The following HS3ST3A1 variants were observed in gnomAD, a reference collection of about 807,000 sequenced individuals.
HS3ST3A1 encodes heparan sulfate glucosamine 3-O-sulfotransferase 3A1.
HS3ST3A1 carries 19 observed loss-of-function variants against 25.7 expected under a neutral mutation model. The ratio of observed to expected loss-of-function variants is 0.74; its 90% CI spans 0.52 to 1.08. HS3ST3A1 has a LOEUF of 1.08. Among genes scored for constraint, HS3ST3A1 ranks in the 50% least tolerant of loss-of-function variants. HS3ST3A1 has a pLI of 0.00. For missense variants in HS3ST3A1, 459 were observed against 594.3 expected, an observed-to-expected ratio of 0.77 and a Z score of 2.37; for synonymous variants, 226 against 278.6, an observed-to-expected ratio of 0.81 and a Z score of 1.88.
chr17:13,590,149 G>A (rs1306629059), intron 1 of HS3ST3A1, among the ~76,000 whole-genome samples: 1 of 151,986 alleles, frequency 6.6e-6, no homozygotes, highest in African/African-American at 2.4e-5. Flanking sequence ...GCAGGCAACG[G>A]CCATAAAACA....
chr17:13,585,840 GTTTTTTT>G lies in HS3ST3A1; in HGVS notation c.599+14684_599+14690del, dbSNP rs1207776880. On this transcript the variant is annotated intron_variant, in intron 1 of 1. Transcript: ENST00000284110. ...TGAGACCTGTTATTCCTCCTTCTGC[GTTTTTTT>G]TTTTTTTTTTTTTTTTTTTTCTGAC... Among the ~76,000 whole-genome samples, 83 of 62,014 alleles carry G rather than the reference GTTTTTTT, an allele frequency of 1.3e-3. 1 individual carries two copies. The highest frequency in any genetic ancestry group is 6.8e-3 in the African/African-American group (80 of 11,710). The allele number at this position is 62,014 out of a possible 152,430, so 40.7% of individuals were successfully genotyped here.
At chr17:13,595,564 T>C (rs765365239) in intron 1 of HS3ST3A1, among the ~76,000 whole-genome samples, 1 of 152,208 alleles carries the variant, frequency 6.6e-6, no homozygotes, top group Non-Finnish European at 1.5e-5. Context: ...TGATTACATA[T>C]TAGAGGCACA....
intron 1 of HS3ST3A1, among the ~76,000 whole-genome samples, chr17:13,507,601 C>T (rs1023365448): frequency 2.6e-5 from 4 of 152,202 alleles, no homozygotes; most frequent in South Asian, 2.1e-4. Context: ...ATATATCACA[C>T]GTTTTTCAAA....
In HS3ST3A1 at chr17:13,601,362, C is replaced by A. The variant is rs969163214; in HGVS notation, c.-233G>T. 1 of 485,366 alleles carries A rather than the reference C, an allele frequency of 2.1e-6. No homozygotes were observed. Among genetic ancestry groups the A allele is most frequent in the Non-Finnish European group, 3.6e-6 (1 of 279,342 alleles). 30.1% of individuals were successfully genotyped at this position (485,366 alleles called of 1,614,324 possible). A position where few individuals can be genotyped will look rare whatever the true frequency, so the allele number is the denominator to read the frequency against. On this transcript the variant is annotated 5_prime_UTR_variant, in exon 1 of 2. Coordinates refer to ENST00000284110, the MANE Select transcript of HS3ST3A1 (RefSeq NM_006042.3). Reference sequence around the variant, plus strand: ...CCAGTCGAGGGAGCGGGAAGGGGAACGCGGGTCCGTGCTTAAGAAACCATC... The same window carrying A: ...CCAGTCGAGGGAGCGGGAAGGGGAAAGCGGGTCCGTGCTTAAGAAACCATC...
chr17:13,590,750 A>C (rs1486031706), intron 1 of HS3ST3A1, among the ~76,000 whole-genome samples: 3 of 152,206 alleles, frequency 2.0e-5, no homozygotes, highest in African/African-American at 7.2e-5. Context: ...ATGAAGATAG[A>C]ATAGTACTTG....
intron 1 of HS3ST3A1, among the ~76,000 whole-genome samples, chr17:13,581,391 C>T (rs1301290070): frequency 4.0e-5 from 6 of 149,116 alleles, no homozygotes; most frequent in African/African-American, 1.2e-4. Context: ...CACTTGAACC[C>T]GGGAGAGAGA....
intron 1 of HS3ST3A1, among the ~76,000 whole-genome samples, chr17:13,553,401 G>A (rs1243029693): frequency 6.6e-6 from 1 of 152,154 alleles, no homozygotes; most frequent in Non-Finnish European, 1.5e-5. Context: ...TAAGCCAGAA[G>A]CCATCATTGC....
At chr17:13,579,701 C>CA (rs543748713) in intron 1 of HS3ST3A1, among the ~76,000 whole-genome samples, 4,919 of 23,472 alleles carry the variant, frequency 0.21, 1,212 homozygotes, top group Non-Finnish European at 0.24. Flanking sequence ...ACTCCATCTC[C>CA]AAAAAAAAAA....
In HS3ST3A1 at chr17:13,581,978, A is replaced by G. The variant is rs77629820; in HGVS notation, c.599+18553T>C. ...AGACTCATACTTTTTTCTTTCCTAAATGTCACCTGAGAACGGTGTGAAATT... is the reference window on the plus strand; with the variant it reads ...AGACTCATACTTTTTTCTTTCCTAAGTGTCACCTGAGAACGGTGTGAAATT... On this transcript the variant is annotated intron_variant, in intron 1 of 1. Coordinates refer to ENST00000284110, the MANE Select transcript of HS3ST3A1 (RefSeq NM_006042.3). Among the ~76,000 whole-genome samples the G allele has an allele frequency of 2.0e-3, 312 of 152,336 alleles. 11 individuals are homozygous for G. The East Asian group carries it at 0.052, about 25-fold the overall frequency.
intron 1 of HS3ST3A1, among the ~76,000 whole-genome samples, chr17:13,560,425 A>G (rs1419864353): frequency 6.6e-6 from 1 of 151,412 alleles, no homozygotes; most frequent in Non-Finnish European, 1.5e-5. Context: ...GAACTGTAAC[A>G]GAGTTAAACA....
At position 13,541,341 on chromosome 17, in the gene HS3ST3A1, T is replaced by A. The variant is rs147373719; in HGVS notation, c.600-44523A>T. On this transcript the variant is annotated intron_variant, in intron 1 of 1. Coordinates refer to ENST00000284110, the MANE Select transcript of HS3ST3A1 (RefSeq NM_006042.3). ...TACTTTGGACTCTTAATCCATGTTCTATTAATGGATTTTAGCCACAGCTCA... is the reference window on the plus strand; with the variant it reads ...TACTTTGGACTCTTAATCCATGTTCAATTAATGGATTTTAGCCACAGCTCA... Among the ~76,000 whole-genome samples, 584 of 152,364 alleles carry A rather than the reference T, an allele frequency of 3.8e-3. 2 individuals carry two copies. Among genetic ancestry groups the A allele is most frequent in the African/African-American group, 0.013 (554 of 41,582 alleles).
chr17:13,574,987 A>G (rs550698528), intron 1 of HS3ST3A1, among the ~76,000 whole-genome samples: 34 of 152,108 alleles, frequency 2.2e-4, no homozygotes, highest in East Asian at 9.7e-4. Context: ...GCATCCACAT[A>G]TGCTTCCCTC....
intron 1 of HS3ST3A1, among the ~76,000 whole-genome samples, chr17:13,542,114 G>A (rs1172932581): frequency 6.6e-6 from 1 of 152,106 alleles, no homozygotes; most frequent in Non-Finnish European, 1.5e-5. Context: ...GATCACTTGA[G>A]GTTAGGAGTC....
intron 1 of HS3ST3A1, among the ~76,000 whole-genome samples, chr17:13,512,167 C>T: frequency 6.6e-6 from 1 of 151,934 alleles, no homozygotes; most frequent in African/African-American, 2.4e-5. Context: ...GGCGCGGTGG[C>T]GGGCGCCTGT....
At chr17:13,550,707 AAACAAC>A (rs150129442) in intron 1 of HS3ST3A1, among the ~76,000 whole-genome samples, 21 of 151,382 alleles carry the variant, frequency 1.4e-4, no homozygotes, top group East Asian at 1.4e-3. Flanking sequence ...GCAAACACCA[AAACAAC>A]AACAACAACA....
chr17:13,599,780 C>T (rs751374968), intron 1 of HS3ST3A1, among the ~76,000 whole-genome samples: 1 of 152,172 alleles, frequency 6.6e-6, no homozygotes, highest in Non-Finnish European at 1.5e-5. Flanking sequence ...TCTCTGTTGT[C>T]TTCTTCTTTT....
At chr17:13,564,501 C>G (rs1056358511) in intron 1 of HS3ST3A1, among the ~76,000 whole-genome samples, 2 of 152,138 alleles carry the variant, frequency 1.3e-5, no homozygotes, top group African/African-American at 4.8e-5. Context: ...CTACACACAT[C>G]CTCCTGTATA....
intron 1 of HS3ST3A1, among the ~76,000 whole-genome samples, chr17:13,502,546 T>G (rs1387739194): frequency 2.0e-5 from 3 of 152,210 alleles, no homozygotes; most frequent in African/African-American, 7.2e-5. Context: ...CCATTTGCCC[T>G]GAATTCTCAT....
chr17:13,580,818 G>C (rs1311007390), intron 1 of HS3ST3A1, among the ~76,000 whole-genome samples: 1 of 152,118 alleles, frequency 6.6e-6, no homozygotes, highest in African/African-American at 2.4e-5. Flanking sequence ...TTGAACCCAG[G>C]AGGCGGAGGT....
Sources: gnomAD v4.1 joint callset for allele counts (sites outside exome capture counted in the v4.1 genomes callset) on GRCh38, gnomAD v4.1.1 for gene constraint, MANE v1.5 for transcripts, NCBI Gene and HGNC (gene_info 2026-07-23, HGNC 2026-07-21) for gene names.